The following PPFIBP2 variants were observed in gnomAD, a reference collection of about 807,000 sequenced individuals.
PPFIBP2 encodes liprin-beta-2.
A neutral mutation model predicts 118.3 loss-of-function variants in PPFIBP2; 118 were observed. The ratio of observed to expected loss-of-function variants is 1.00; its 90% confidence interval spans 0.86 to 1.16. The LOEUF (loss-of-function observed/expected upper bound fraction) is 1.16, where lower values mean the gene tolerates loss of function less well. Ranked by LOEUF, PPFIBP2 falls within the 50% of genes most tolerant of loss-of-function variation. PPFIBP2 has a pLI of 0.00. For missense variants in PPFIBP2, 1,195 were observed against 1,073.1 expected, an observed-to-expected ratio of 1.11 and a Z score of -1.59; for synonymous variants, 414 against 397.4, an observed-to-expected ratio of 1.04 and a Z score of -0.50.
intron 2 of PPFIBP2, among the ~76,000 whole-genome samples, chr11:7,558,936 T>C (rs1853976982): frequency 1.3e-5 from 2 of 152,164 alleles, no homozygotes; most frequent in African/African-American, 4.8e-5. Flanking sequence ...GGTGATCTGC[T>C]AGTGCCATGG....
chr11:7,587,979 A>T (rs1432358781), intron 3 of PPFIBP2, among the ~76,000 whole-genome samples: 1 of 152,220 alleles, frequency 6.6e-6, no homozygotes, highest in Non-Finnish European at 1.5e-5. Context: ...CAAGAAAACA[A>T]GGGGAACAAT....
intron 3 of PPFIBP2, among the ~76,000 whole-genome samples, chr11:7,567,130 C>T (rs1202881052): frequency 1.3e-5 from 2 of 152,116 alleles, no homozygotes; most frequent in Non-Finnish European, 2.9e-5. Context: ...ATTTTGGTTT[C>T]TTGTTTTCCT....
intron 1 of PPFIBP2, among the ~76,000 whole-genome samples, 168 bp from the exon 2 acceptor site, chr11:7,549,272 C>T (rs1564961204): frequency 6.6e-6 from 1 of 152,178 alleles, no homozygotes; most frequent in Non-Finnish European, 1.5e-5. Flanking sequence ...GGAAAAAGCA[C>T]TCATGCCAAG....
rs118142712 is a variant in PPFIBP2 at position 7,525,565 on chromosome 11, A to G, written c.-37+11444A>G. 1.8e-3 allele frequency among the ~76,000 whole-genome samples: 279 copies of G among 152,334 alleles called. 8 individuals are homozygous for G. In the East Asian group the frequency reaches 0.049, roughly 27 times the overall value. On this transcript the variant is annotated intron_variant, in intron 1 of 23. Coordinates refer to ENST00000299492, the MANE Select transcript of PPFIBP2 (RefSeq NM_003621.5). ...AAATTCCAGGAGGCAGAAGTCCATGACAAGGTAGAGAACAGCCCGGAATCA... is the reference window on the plus strand; with the variant it reads ...AAATTCCAGGAGGCAGAAGTCCATGGCAAGGTAGAGAACAGCCCGGAATCA...
intron 3 of PPFIBP2, among the ~76,000 whole-genome samples, chr11:7,566,979 T>G (rs962113575): frequency 2.6e-5 from 4 of 152,272 alleles, no homozygotes; most frequent in African/African-American, 9.6e-5. Context: ...AGTGTTTTTC[T>G]TATCTATTTG....
At chr11:7,587,561 C>T (rs1858428731) in intron 3 of PPFIBP2, among the ~76,000 whole-genome samples, 1 of 152,252 alleles carries the variant, frequency 6.6e-6, no homozygotes, top group Non-Finnish European at 1.5e-5. Context: ...GAATATATCT[C>T]TGCCTTTAGG....
downstream of PPFIBP2, among the ~76,000 whole-genome samples, chr11:7,661,976 CTTTT>C (rs1168564418): frequency 7.5e-6 from 1 of 133,006 alleles, no homozygotes; most frequent in Admixed American, 7.5e-5. Context: ...CAACCCCTGC[CTTTT>C]TTTGTTTTCC....
At chr11:7,646,392 T>C (rs1393293755) in intron 17 of PPFIBP2, among the ~76,000 whole-genome samples, 1 of 152,242 alleles carries the variant, frequency 6.6e-6, no homozygotes, top group Non-Finnish European at 1.5e-5. Flanking sequence ...TACGTGACAA[T>C]ACCAGTTATA....
chr11:7,599,530 T>C (rs777626132), intron 5 of PPFIBP2, among the ~76,000 whole-genome samples: 1 of 152,206 alleles, frequency 6.6e-6, no homozygotes, highest in Non-Finnish European at 1.5e-5. Flanking sequence ...GGAGTCTGAT[T>C]GTGATGCCCA....
At chr11:7,543,811 A>G (rs1308022308) in intron 1 of PPFIBP2, among the ~76,000 whole-genome samples, 2 of 152,252 alleles carry the variant, frequency 1.3e-5, no homozygotes, top group African/African-American at 4.8e-5. Context: ...GCCTCAGAAC[A>G]TACCAGATGA....
intron 6 of PPFIBP2, chr11:7,617,354 G>A (rs1231630818): frequency 5.2e-6 from 5 of 961,538 alleles, no homozygotes; most frequent in Non-Finnish European, 6.2e-6. Flanking sequence ...ACTGGTGGAG[G>A]GGCTGGGGTT....
intron 1 of PPFIBP2, among the ~76,000 whole-genome samples, chr11:7,516,877 A>G (rs561560370): frequency 2.6e-5 from 4 of 152,294 alleles, no homozygotes; most frequent in African/African-American, 9.6e-5. Flanking sequence ...TCATCTCTTC[A>G]AGCTTTCAGA....
At chr11:7,519,501 A>G (rs1306497659) in intron 1 of PPFIBP2, among the ~76,000 whole-genome samples, 1 of 152,184 alleles carries the variant, frequency 6.6e-6, no homozygotes, top group Non-Finnish European at 1.5e-5. Flanking sequence ...CCGTTATCTA[A>G]TTTGTACTGT....
chr11:7,565,529 G>A (rs1357593041), intron 2 of PPFIBP2, 24 bp from the exon 3 acceptor site: 2 of 1,613,430 alleles, frequency 1.2e-6, no homozygotes, highest in African/African-American at 2.7e-5. Flanking sequence ...TTCTTACTGA[G>A]TTTTCACCTC....
intron 3 of PPFIBP2, among the ~76,000 whole-genome samples, chr11:7,583,960 A>G (rs544959745): frequency 1.3e-5 from 2 of 152,350 alleles, no homozygotes; most frequent in African/African-American, 2.4e-5. Flanking sequence ...AATCATTCAA[A>G]TGGTGCCTCC....
chr11:7,656,866 G>C (rs1387174348), downstream of PPFIBP2: 1 of 1,157,494 alleles, frequency 8.6e-7, no homozygotes, highest in African/African-American at 1.6e-5. Context: ...TCTGTGGGGA[G>C]CGGGCACACA....
rs1366521123 is a variant in PPFIBP2, at chr11:7,557,387, CATATT to C, written c.64+7850_64+7854del. On this transcript the variant is annotated intron_variant, in intron 2 of 23. Coordinates refer to ENST00000299492, the MANE Select transcript of PPFIBP2 (RefSeq NM_003621.5). ...TTCCCAAATAGACAAAATATTTACT[CATATT>C]AGTGTATTGATTTAGTTACGTGTTT... Among the ~76,000 whole-genome samples the C allele has an allele frequency of 1.1e-4, 17 of 151,726 alleles. No individual in the cohort carries two copies. In the East Asian group the frequency reaches 3.3e-3, roughly 29 times the overall value.
intron 7 of PPFIBP2, among the ~76,000 whole-genome samples, chr11:7,623,367 C>T (rs1034030164): frequency 1.3e-5 from 2 of 152,214 alleles, no homozygotes; most frequent in Admixed American, 6.5e-5. Flanking sequence ...TGCCACACAG[C>T]CCTAGCCATG....
At chr11:7,620,789 A>T (rs1849255875) in intron 6 of PPFIBP2, 146 bp from the exon 7 acceptor site, 5 of 653,916 alleles carry the variant, frequency 7.6e-6, no homozygotes, top group African/African-American at 1.8e-5. Context: ...AGCTTTCCTG[A>T]AACAAGGGAC....
Sources: allele counts gnomAD v4.1 joint callset (sites outside exome capture counted in the v4.1 genomes callset), GRCh38; gene constraint gnomAD v4.1.1; transcripts MANE v1.5; gene names NCBI Gene and HGNC (gene_info 2026-07-23, HGNC 2026-07-21).